The following GRM3 variants were observed in gnomAD, a reference collection of about 807,000 sequenced individuals.
The protein encoded by GRM3 is metabotropic glutamate receptor 3.
A neutral mutation model predicts 70.5 loss-of-function variants in GRM3; 26 were observed. That is an observed-to-expected ratio of 0.37 (90% CI 0.27 to 0.51). The LOEUF is 0.51. Ranked by LOEUF, GRM3 falls within the 20% of genes least tolerant of loss-of-function variation. The probability of loss-of-function intolerance (pLI) is 0.93; values close to 1 mark genes in which losing one functional copy is unlikely to be tolerated. For missense variants in GRM3, 859 were observed against 1,123.8 expected (o/e 0.76, Z 3.37); for synonymous variants, 443 against 434.9 (o/e 1.02, Z -0.23).
chr7:86,713,939 C>A lies in GRM3; in HGVS notation c.-140-51067C>A, dbSNP rs183090573. On this transcript the variant is annotated intron_variant, in intron 1 of 5. Coordinates refer to ENST00000361669, the MANE Select transcript of GRM3 (RefSeq NM_000840.3). ...TGCTAGGTCATGCCCCTTAGAGCTC[C>A]TTCCAGCCCATTGTAGGATGTGACA... Among the ~76,000 whole-genome samples the A allele has an allele frequency of 5.3e-5, 8 of 152,016 alleles. No homozygotes were observed. The East Asian group carries it at 1.6e-3, about 30-fold the overall frequency.
intron 5 of GRM3, among the ~76,000 whole-genome samples, chr7:86,852,858 G>A (rs1256386210): frequency 6.6e-6 from 1 of 152,120 alleles, no homozygotes; most frequent in Non-Finnish European, 1.5e-5. Flanking sequence ...TTATAGGTAA[G>A]AAAATTGAGA....
At chr7:86,673,361 C>T (rs1001785674) in intron 1 of GRM3, among the ~76,000 whole-genome samples, 2 of 152,096 alleles carry the variant, frequency 1.3e-5, no homozygotes, top group Non-Finnish European at 2.9e-5. Flanking sequence ...CTCAATTATC[C>T]AATTATCTAT....
intron 5 of GRM3, among the ~76,000 whole-genome samples, chr7:86,861,268 T>C (rs148846142): frequency 6.6e-6 from 1 of 152,320 alleles, no homozygotes; most frequent in East Asian, 1.9e-4. Flanking sequence ...GAAACTTCCA[T>C]TGGTTTCCTG....
At chr7:86,703,822 A>G (rs1794998072) in intron 1 of GRM3, among the ~76,000 whole-genome samples, 1 of 151,916 alleles carries the variant, frequency 6.6e-6, no homozygotes, top group Non-Finnish European at 1.5e-5. Flanking sequence ...AAACAGTAAA[A>G]TGGGCTTATA....
intron 2 of GRM3, among the ~76,000 whole-genome samples, chr7:86,785,474 T>G (rs1797204069): frequency 1.3e-5 from 2 of 151,518 alleles, no homozygotes; most frequent in South Asian, 4.2e-4. Context: ...TGGAAGTAAG[T>G]GGTCTGTTCT....
intron 1 of GRM3, among the ~76,000 whole-genome samples, chr7:86,669,011 T>TGGG (rs1794103964): frequency 2.0e-5 from 3 of 152,144 alleles, no homozygotes; most frequent in Admixed American, 6.6e-5. Context: ...GTTCCTGTCT[T>TGGG]ACTATCCCAA....
At chr7:86,669,522 A>G (rs902782692) in intron 1 of GRM3, among the ~76,000 whole-genome samples, 1 of 152,148 alleles carries the variant, frequency 6.6e-6, no homozygotes, top group African/African-American at 2.4e-5. Context: ...ATGTTTTCCT[A>G]TATCTCACAA....
At chr7:86,757,281 T>C (rs933942916) in intron 1 of GRM3, among the ~76,000 whole-genome samples, 2 of 152,200 alleles carry the variant, frequency 1.3e-5, no homozygotes, top group East Asian at 3.9e-4. Flanking sequence ...GTCTGAATTA[T>C]GTCATCTTTC....
chr7:86,657,447 G>C (rs1465473413), intron 1 of GRM3, among the ~76,000 whole-genome samples: 1 of 152,210 alleles, frequency 6.6e-6, no homozygotes, highest in Non-Finnish European at 1.5e-5. Flanking sequence ...TCAGGAAGTG[G>C]AGGATTTCAT....
At chr7:86,771,363 C>T (rs1026005371) in intron 2 of GRM3, among the ~76,000 whole-genome samples, 2 of 152,092 alleles carry the variant, frequency 1.3e-5, no homozygotes, top group African/African-American at 2.4e-5. Flanking sequence ...ATCGGGATCA[C>T]TTTGAAGCAG....
intron 3 of GRM3, among the ~76,000 whole-genome samples, chr7:86,823,556 A>G (rs1183828658): frequency 6.9e-6 from 1 of 144,932 alleles, no homozygotes; most frequent in Non-Finnish European, 1.5e-5. Context: ...GAACTAACAG[A>G]AATTCAGCGG....
At chr7:86,753,229 C>T (rs1411146791) in intron 1 of GRM3, among the ~76,000 whole-genome samples, 1 of 152,032 alleles carries the variant, frequency 6.6e-6, no homozygotes, top group East Asian at 1.9e-4. Context: ...CTCACTCCAA[C>T]AATTTTAATA....
chr7:86,696,995 GT>G (rs1794833990), intron 1 of GRM3, among the ~76,000 whole-genome samples: 1 of 152,134 alleles, frequency 6.6e-6, no homozygotes, highest in Non-Finnish European at 1.5e-5. Context: ...AATATGGACG[GT>G]AAAAGATGTC....
intron 1 of GRM3, among the ~76,000 whole-genome samples, chr7:86,762,260 T>C (rs1796497919): frequency 6.6e-6 from 1 of 152,086 alleles, no homozygotes; most frequent in Non-Finnish European, 1.5e-5. Flanking sequence ...TGGTACCCTG[T>C]GGCAGATCTC....
intron 1 of GRM3, among the ~76,000 whole-genome samples, chr7:86,707,574 A>G (rs1467087704): frequency 1.3e-5 from 2 of 152,082 alleles, no homozygotes. Context: ...TAATAGACAT[A>G]TATGTACTCC....
chr7:86,652,795 GT>G (rs1274660571), intron 1 of GRM3, among the ~76,000 whole-genome samples: 1 of 152,160 alleles, frequency 6.6e-6, no homozygotes, highest in African/African-American at 2.4e-5. Flanking sequence ...TACCTCTGCT[GT>G]AAATAGTCTG....
chr7:86,801,513 G>GA (rs1584253684), intron 3 of GRM3, among the ~76,000 whole-genome samples: 3 of 152,002 alleles, frequency 2.0e-5, no homozygotes, highest in South Asian at 4.1e-4. Flanking sequence ...TATGTACATA[G>GA]AAAAAAACAA....
intron 5 of GRM3, among the ~76,000 whole-genome samples, chr7:86,862,202 G>GTC (rs1381938704): frequency 6.6e-6 from 1 of 152,116 alleles, no homozygotes; most frequent in African/African-American, 2.4e-5. Flanking sequence ...ACACAAAGAT[G>GTC]TCAAGTAGGC....
chr7:86,711,374 T>C (rs1213681090), intron 1 of GRM3, among the ~76,000 whole-genome samples: 1 of 152,034 alleles, frequency 6.6e-6, no homozygotes, highest in Non-Finnish European at 1.5e-5. Flanking sequence ...TAGGCCATAT[T>C]TTCCTGAATT....
Sources: allele counts gnomAD v4.1 joint callset (sites outside exome capture counted in the v4.1 genomes callset), GRCh38; gene constraint gnomAD v4.1.1; transcripts MANE v1.5; gene names NCBI Gene and HGNC (gene_info 2026-07-23, HGNC 2026-07-21).